The following SDK2 variants were observed in gnomAD, a reference collection of about 807,000 sequenced individuals.
The protein encoded by SDK2 is sidekick cell adhesion molecule 2.
Under a neutral mutation model 253.9 loss-of-function variants are expected in SDK2, and 105 were observed. The observed-to-expected ratio is 0.41, with a 90% CI of 0.35 to 0.49. SDK2 has a LOEUF of 0.49. Among genes scored for constraint, SDK2 ranks in the 20% least tolerant of loss-of-function variants. SDK2 has a pLI of 0.06. For missense variants in SDK2, 2,608 were observed against 3,003.0 expected (o/e 0.87, Z 3.07); for synonymous variants, 1,249 against 1,234.9 (o/e 1.01, Z -0.24).
At chr17:73,576,359 G>A (rs936633567) in intron 1 of SDK2, among the ~76,000 whole-genome samples, 2 of 152,152 alleles carry the variant, frequency 1.3e-5, no homozygotes, top group Non-Finnish European at 2.9e-5. Flanking sequence ...CGCGTCCCAA[G>A]GATGAGAGGG....
At chr17:73,592,890 T>C (rs9906737) in intron 1 of SDK2, among the ~76,000 whole-genome samples, 26,426 of 151,984 alleles carry the variant, frequency 0.17, 2,525 homozygotes, top group African/African-American at 0.24. Flanking sequence ...CTCCCAAGCA[T>C]ATTTCAGGGT....
At chr17:73,491,235 A>T (rs996685013) in intron 2 of SDK2, among the ~76,000 whole-genome samples, 1 of 152,110 alleles carries the variant, frequency 6.6e-6, no homozygotes, top group Non-Finnish European at 1.5e-5. Context: ...ATGGCTCAAC[A>T]TATCCTTATC....
chr17:73,419,146 TC>T lies in SDK2; in HGVS notation c.2186+19del, dbSNP rs1463352631. ...CTTTCCCCTTGGGACTGGGCTCCTGTCCCCAGGGTGGACACCCACCTGATGA... is the reference window on the plus strand; with the variant it reads ...CTTTCCCCTTGGGACTGGGCTCCTGTCCCAGGGTGGACACCCACCTGATGA... On this transcript the variant is annotated intron_variant, in intron 16 of 44. Coordinates refer to ENST00000392650, the MANE Select transcript of SDK2 (RefSeq NM_001144952.2). 3 of 1,609,704 alleles carry T rather than the reference TC, an allele frequency of 1.9e-6. No homozygotes were observed. Among genetic ancestry groups the T allele is most frequent in the South Asian group, 2.2e-5 (2 of 90,020 alleles).
rs528621277 is a variant in SDK2, at chr17:73,441,210, C to T, written c.614-287G>A. Among the ~76,000 whole-genome samples the T allele has an allele frequency of 1.2e-4, 18 of 151,900 alleles. No homozygotes were observed. The South Asian group carries it at 3.5e-3, about 30-fold the overall frequency. ...CAGCCACACCCCCCTCTCCCCACCA[C>T]CACCCTGTCCTGTTCCATTCCCTTC... On this transcript the variant is annotated intron_variant, in intron 5 of 44. Coordinates refer to ENST00000392650, the MANE Select transcript of SDK2 (RefSeq NM_001144952.2).
rs1331805084 is a variant in SDK2 at position 73,352,330 on chromosome 17, C to T, written c.5758+143G>A. 9.3e-7 allele frequency: 1 copy of T among 1,075,642 alleles called. No homozygotes were observed. The highest frequency in any genetic ancestry group is 1.3e-6 in the Non-Finnish European group (1 of 764,164). The allele number at this position is 1,075,642 out of a possible 1,614,324, so 66.6% of individuals were successfully genotyped here. On this transcript the variant is annotated intron_variant, in intron 41 of 44. Coordinates refer to ENST00000392650, the MANE Select transcript of SDK2 (RefSeq NM_001144952.2). This position sits in a 1 kb window ranked among gnomAD's most constrained non-coding sequence, Gnocchi z 4.1. ...GCCTGGGCACCAGCACTTGCCTCTTCACAGCCCCGAGGGGACAATGTGTTT... is the reference window on the plus strand; with the variant it reads ...GCCTGGGCACCAGCACTTGCCTCTTTACAGCCCCGAGGGGACAATGTGTTT...
chr17:73,528,811 G>A (rs12943092), intron 1 of SDK2, among the ~76,000 whole-genome samples: 6,178 of 152,222 alleles, frequency 0.041, 127 homozygotes, highest in Middle Eastern at 0.12. Context: ...CCGGTGAGAG[G>A]AGCGTCCCCT....
chr17:73,529,753 A>G (rs1738853827), intron 1 of SDK2, among the ~76,000 whole-genome samples: 1 of 152,146 alleles, frequency 6.6e-6, no homozygotes, highest in Admixed American at 6.5e-5. Context: ...GCAAACACCA[A>G]AAGCTAGAGA....
intron 1 of SDK2, among the ~76,000 whole-genome samples, chr17:73,601,660 C>T (rs1372678630): frequency 2.6e-5 from 4 of 152,058 alleles, no homozygotes; most frequent in Non-Finnish European, 5.9e-5. Flanking sequence ...GAGACGGTCC[C>T]GGGACAAGCT....
At chr17:73,524,183 A>G (rs1313410055) in intron 1 of SDK2, among the ~76,000 whole-genome samples, 1 of 152,136 alleles carries the variant, frequency 6.6e-6, no homozygotes, top group African/African-American at 2.4e-5. Context: ...GCCTGAGCTC[A>G]GCTAATGGTG....
chr17:73,589,684 A>G (rs961823195), intron 1 of SDK2, among the ~76,000 whole-genome samples: 6 of 152,222 alleles, frequency 3.9e-5, no homozygotes, highest in Non-Finnish European at 8.8e-5. Flanking sequence ...GATAATGCTG[A>G]TCTGGTCACC....
chr17:73,422,060 A>C (rs532256008), intron 15 of SDK2, among the ~76,000 whole-genome samples: 1 of 152,220 alleles, frequency 6.6e-6, no homozygotes, highest in Non-Finnish European at 1.5e-5. Context: ...GGATGACTAC[A>C]TTTGGTTGGT....
chr17:73,391,355 C>G, intron 28 of SDK2, 85 bp downstream of exon 28: 1 of 701,016 alleles, frequency 1.4e-6, no homozygotes, highest in Non-Finnish European at 2.1e-6. Context: ...TACTCTCCCT[C>G]AAGCTGGTAA....
chr17:73,435,158 G>A lies in SDK2; in HGVS notation c.1195+292C>T, dbSNP rs1476268856. 2.6e-5 allele frequency among the ~76,000 whole-genome samples: 4 copies of A among 152,194 alleles called. No homozygotes were observed. Among genetic ancestry groups the A allele is most frequent in the African/African-American group, 9.7e-5 (4 of 41,446 alleles). ...CGCAGTGCCAGAGCTGGTACCCGTG[G>A]TTGGTTTCATAGCTCCTTTTCTCAA... On this transcript the variant is annotated intron_variant, in intron 9 of 44. Coordinates refer to ENST00000392650, the MANE Select transcript of SDK2 (RefSeq NM_001144952.2). This position sits in a 1 kb window ranked among gnomAD's most constrained non-coding sequence, Gnocchi z 5.7.
intron 1 of SDK2, among the ~76,000 whole-genome samples, chr17:73,509,425 CA>C (rs1374234046): frequency 6.6e-6 from 1 of 152,096 alleles, no homozygotes; most frequent in Non-Finnish European, 1.5e-5. Flanking sequence ...CCATCTTGGT[CA>C]GACAGCTAAC....
intron 3 of SDK2, among the ~76,000 whole-genome samples, chr17:73,463,027 T>C (rs1328128545): frequency 2.0e-4 from 31 of 152,318 alleles, no homozygotes; most frequent in Admixed American, 1.9e-3. Context: ...AGCCAGACAG[T>C]GCAGGAGTGC....
intron 25 of SDK2, among the ~76,000 whole-genome samples, chr17:73,394,885 A>G (rs1359209149): frequency 6.6e-6 from 1 of 152,162 alleles, no homozygotes; most frequent in Non-Finnish European, 1.5e-5. Flanking sequence ...AGTGGGCAGT[A>G]TGAATGGTGG....
Position 73,351,954 on chromosome 17 carries a change from G to GT in SDK2, c.5758+518dup, listed in dbSNP as rs748240875. Among the ~76,000 whole-genome samples the GT allele has an allele frequency of 2.5e-4, 38 of 151,962 alleles. 1 individual carries two copies. Among genetic ancestry groups the GT allele is most frequent in the Admixed American group, 5.2e-4 (8 of 15,240 alleles). The stretch of plus-strand genomic sequence containing the variant: ...TTAGTGATAACATTTTGGGTCAAGG[G>GT]TTTAGATAGCAGAGCCCTTTGTGCG... On this transcript the variant is annotated intron_variant, in intron 41 of 44. Coordinates refer to ENST00000392650, the MANE Select transcript of SDK2 (RefSeq NM_001144952.2).
Position 73,383,213 on chromosome 17 carries a change from G to T in SDK2, c.4705+663C>A, listed in dbSNP as rs1254772581. On this transcript the variant is annotated intron_variant, in intron 33 of 44. Transcript: ENST00000392650. This position sits in a 1 kb window ranked among gnomAD's most constrained non-coding sequence, Gnocchi z 4.3. ...CTCTGGCTCTCCATCCTCCCACCATGGCCAAGCCATCATCCTCATGCCACC... is the reference window on the plus strand; with the variant it reads ...CTCTGGCTCTCCATCCTCCCACCATTGCCAAGCCATCATCCTCATGCCACC... Among the ~76,000 whole-genome samples, 1 of 152,256 alleles carries T rather than the reference G, an allele frequency of 6.6e-6. No individual in the cohort carries two copies. Among genetic ancestry groups the T allele is most frequent in the East Asian group, 1.9e-4 (1 of 5,172 alleles).
chr17:73,600,190 C>T (rs1009385658), intron 1 of SDK2, among the ~76,000 whole-genome samples: 21 of 152,172 alleles, frequency 1.4e-4, no homozygotes, highest in Non-Finnish European at 2.2e-4. Context: ...TTGCAGCTCC[C>T]GCCACTTCCT....
Sources: gnomAD v4.1 joint callset for allele counts (sites outside exome capture counted in the v4.1 genomes callset) on GRCh38, gnomAD v4.1.1 for gene constraint, Gnocchi (gnomAD v3.1) non-coding constraint, MANE v1.5 for transcripts, NCBI Gene and HGNC (gene_info 2026-07-23, HGNC 2026-07-21) for gene names.